Variants in KAZN observed in about 807,000 individuals in gnomAD.
The protein encoded by KAZN is kazrin.
A neutral mutation model predicts 87.4 loss-of-function variants in KAZN; 40 were observed. The observed-to-expected ratio is 0.46, with a 90% CI of 0.36 to 0.60. KAZN has a LOEUF of 0.60. Among genes scored for constraint, KAZN ranks in the 20% least tolerant of loss-of-function variants. The pLI, the probability that KAZN is intolerant of heterozygous loss-of-function variation, is 0.00. For synonymous variants in KAZN, 466 were observed against 458.3 expected, an observed-to-expected ratio of 1.02 and a Z score of -0.22; for missense variants, 898 against 1,073.9, an observed-to-expected ratio of 0.84 and a Z score of 2.29.
chr1:14,727,393 G>A (rs1415297265), intron 1 of KAZN, among the ~76,000 whole-genome samples: 1 of 145,726 alleles, frequency 6.9e-6, no homozygotes, highest in Non-Finnish European at 1.5e-5. Context: ...ATGGACAGAG[G>A]CCAAGTGGAG....
chr1:14,828,140 A>C (rs1319254896), intron 1 of KAZN, among the ~76,000 whole-genome samples: 1 of 152,158 alleles, frequency 6.6e-6, no homozygotes, highest in East Asian at 1.9e-4. Flanking sequence ...CAATCGACAA[A>C]TGCTCTATGC....
intron 2 of KAZN, among the ~76,000 whole-genome samples, chr1:14,364,266 C>T (rs1373388299): frequency 1.3e-5 from 2 of 152,096 alleles, no homozygotes; most frequent in African/African-American, 2.4e-5. Context: ...GTTAAAACTC[C>T]CTCTACCTGC....
intron 2 of KAZN, among the ~76,000 whole-genome samples, chr1:14,269,422 T>C (rs1651752008): frequency 6.6e-6 from 1 of 152,140 alleles, no homozygotes; most frequent in African/African-American, 2.4e-5. Flanking sequence ...TCTTAATATT[T>C]TTCAAAGAAA....
intron 4 of KAZN, among the ~76,000 whole-genome samples, chr1:15,050,536 C>T (rs1307039584): frequency 6.6e-6 from 1 of 152,168 alleles, no homozygotes; most frequent in Non-Finnish European, 1.5e-5. Flanking sequence ...AGGGCTTGGC[C>T]AAGCCTCAGG....
intron 1 of KAZN, among the ~76,000 whole-genome samples, chr1:14,883,304 G>A (rs1463932107): frequency 1.8e-3 from 83 of 45,962 alleles, no homozygotes; most frequent in African/African-American, 4.9e-3. Context: ...TCAAAAGAAA[G>A]AAAGAAAGAA....
chr1:14,226,894 C>T (rs183073061), intron 2 of KAZN, among the ~76,000 whole-genome samples: 2 of 152,156 alleles, frequency 1.3e-5, no homozygotes, highest in East Asian at 1.9e-4. Flanking sequence ...CTGGGGCCTA[C>T]TTGAGGGTGG....
chr1:14,983,584 C>T (rs1666482360), intron 2 of KAZN, among the ~76,000 whole-genome samples: 1 of 152,096 alleles, frequency 6.6e-6, no homozygotes, highest in South Asian at 2.1e-4. Context: ...AGGGATGTAC[C>T]TTGAGGATAA....
chr1:14,762,387 C>T (rs1445127708), intron 1 of KAZN, among the ~76,000 whole-genome samples: 1 of 152,116 alleles, frequency 6.6e-6, no homozygotes, highest in Non-Finnish European at 1.5e-5. Flanking sequence ...TGTTCTAGGG[C>T]TTCAGGTAGC....
At chr1:14,614,707 G>A (rs1029421093) in intron 1 of KAZN, among the ~76,000 whole-genome samples, 6 of 152,220 alleles carry the variant, frequency 3.9e-5, no homozygotes, top group African/African-American at 1.2e-4. Flanking sequence ...TGGCAGCCAC[G>A]GTATGTTGTC....
intron 1 of KAZN, among the ~76,000 whole-genome samples, chr1:14,628,775 A>G (rs1343933356): frequency 3.3e-5 from 5 of 152,026 alleles, no homozygotes; most frequent in Non-Finnish European, 7.4e-5. Context: ...CAATCTTGCT[A>G]CCAACACCTC....
chr1:14,318,128 C>A (rs948493378), intron 2 of KAZN, among the ~76,000 whole-genome samples: 3 of 151,942 alleles, frequency 2.0e-5, no homozygotes, highest in African/African-American at 7.2e-5. Flanking sequence ...TTTAAAGGAA[C>A]TTAAAATGAG....
chr1:14,314,506 T>A (rs1655517717), intron 2 of KAZN, among the ~76,000 whole-genome samples: 1 of 152,140 alleles, frequency 6.6e-6, no homozygotes, highest in South Asian at 2.1e-4. Context: ...CAAGACACTT[T>A]CATGAGTCTA....
At chr1:14,827,578 T>TAG in intron 1 of KAZN, among the ~76,000 whole-genome samples, 1 of 152,292 alleles carries the variant, frequency 6.6e-6, no homozygotes, top group East Asian at 1.9e-4. Flanking sequence ...ACAGTAAAAT[T>TAG]GCTTAGGGCT....
At chr1:14,224,961 T>A (rs1387251282) in intron 2 of KAZN, among the ~76,000 whole-genome samples, 1 of 152,106 alleles carries the variant, frequency 6.6e-6, no homozygotes, top group African/African-American at 2.4e-5. Flanking sequence ...AAACAGAAAG[T>A]AAGCTGTAGT....
chr1:14,559,367 T>C (rs1674115802), intron 2 of KAZN, among the ~76,000 whole-genome samples: 2 of 152,190 alleles, frequency 1.3e-5, no homozygotes, highest in East Asian at 1.9e-4. Context: ...GAGGAGTTAA[T>C]GCCATTCCAT....
intron 2 of KAZN, chr1:14,349,502 C>G (rs1470109401): frequency 5.9e-5 from 9 of 152,184 alleles, no homozygotes; most frequent in Admixed American, 5.9e-4. Context: ...TGCCCTGTCT[C>G]AGTAAAGTAG....
At chr1:14,644,363 T>C (rs1181642997) in intron 1 of KAZN, among the ~76,000 whole-genome samples, 2 of 151,382 alleles carry the variant, frequency 1.3e-5, no homozygotes, top group Non-Finnish European at 2.9e-5. Flanking sequence ...TTGTTTTTTT[T>C]TTTTTCTTCT....
rs796513493 is a variant in KAZN at position 14,929,756 on chromosome 1, G to A, written c.227-30928G>A. The A allele has an allele frequency of 1.9e-4, 187 of 985,274 alleles. 1 individual carries two copies. The African/African-American group carries it at 2.4e-3, about 12-fold the overall frequency. The allele number at this position is 985,274 out of a possible 1,614,324, so 61.0% of individuals were successfully genotyped here. A position where few individuals can be genotyped will look rare whatever the true frequency, so the allele number is the denominator to read the frequency against. ...AGTTATTTTAATGGATTTACTCTCC[G>A]TGAGTGCGTCTTATGTTGCGGGTGC... On this transcript the variant is annotated intron_variant, in intron 1 of 14. Coordinates refer to ENST00000376030, the MANE Select transcript of KAZN (RefSeq NM_201628.3).
chr1:15,014,430 C>G (rs887645593), intron 2 of KAZN, among the ~76,000 whole-genome samples: 4 of 152,150 alleles, frequency 2.6e-5, no homozygotes, highest in African/African-American at 9.7e-5. Context: ...GTTATCATTG[C>G]TGCTCCTGTT....
Sources: allele counts gnomAD v4.1 joint callset (sites outside exome capture counted in the v4.1 genomes callset), GRCh38; gene constraint gnomAD v4.1.1; transcripts MANE v1.5; gene names NCBI Gene and HGNC (gene_info 2026-07-23, HGNC 2026-07-21).